RBPJ: variants seen among roughly 807,000 people sequenced by gnomAD.
RBPJ encodes the protein recombining binding protein suppressor of hairless.
RBPJ carries 9 observed loss-of-function variants against 67.8 expected under a neutral mutation model. That is an observed-to-expected ratio of 0.13 (90% CI 0.08 to 0.23). RBPJ has a LOEUF of 0.23. RBPJ is among the 10% of genes least tolerant of loss of function. The pLI, the probability that RBPJ is intolerant of heterozygous loss-of-function variation, is 1.00. For missense variants in RBPJ, 305 were observed against 595.6 expected (o/e 0.51, Z 5.08); for synonymous variants, 198 against 203.3 (o/e 0.97, Z 0.22).
intron 1 of RBPJ, among the ~76,000 whole-genome samples, chr4:26,214,278 A>AAGAGAAAG (rs1344946928): frequency 6.8e-6 from 1 of 147,812 alleles, no homozygotes; most frequent in Non-Finnish European, 1.5e-5. Flanking sequence ...AAGAAAGAGA[A>AAGAGAAAG]AGGAGGAAGG....
intron 1 of RBPJ, among the ~76,000 whole-genome samples, chr4:26,168,681 C>T (rs1321605195): frequency 6.6e-6 from 1 of 152,214 alleles, no homozygotes; most frequent in East Asian, 1.9e-4. Context: ...AACTTGGTTC[C>T]ATTCTCCCCG....
intron 1 of RBPJ, among the ~76,000 whole-genome samples, chr4:26,346,971 G>A (rs546675175): frequency 7.3e-5 from 11 of 151,708 alleles, no homozygotes; most frequent in Admixed American, 6.6e-4. Flanking sequence ...CAGTCTGGGT[G>A]ACAGAGCGAG....
chr4:26,186,546 G>A (rs1255954148), intron 1 of RBPJ, among the ~76,000 whole-genome samples: 2 of 152,132 alleles, frequency 1.3e-5, no homozygotes, highest in Non-Finnish European at 2.9e-5. Flanking sequence ...CAGTGCCTGA[G>A]CGAGACCCTC....
intron 8 of RBPJ, 32 bp downstream of exon 8, chr4:26,428,892 A>G: frequency 6.4e-7 from 1 of 1,553,608 alleles, no homozygotes; most frequent in Non-Finnish European, 8.9e-7. Flanking sequence ...GAAATCTAAA[A>G]TGTACAAACT....
At chr4:26,164,808 G>A (rs1716205330) in intron 1 of RBPJ, among the ~76,000 whole-genome samples, 1 of 152,158 alleles carries the variant, frequency 6.6e-6, no homozygotes, top group South Asian at 2.1e-4. Context: ...CTAGTTCTGT[G>A]TCAGAAGCCT....
chr4:26,238,217 G>A (rs1014816754), intron 1 of RBPJ, among the ~76,000 whole-genome samples: 2 of 152,118 alleles, frequency 1.3e-5, no homozygotes, highest in East Asian at 1.9e-4. Context: ...GCGCACCACC[G>A]TGCCTGGCTA....
At chr4:26,316,002 G>A (rs997823555), upstream of RBPJ, among the ~76,000 whole-genome samples, 1 of 151,912 alleles carries the variant, frequency 6.6e-6, no homozygotes, top group Non-Finnish European at 1.5e-5. Context: ...CTTTTTCAAG[G>A]TGCACTGATT....
At chr4:26,200,644 G>A (rs1222680412) in intron 1 of RBPJ, among the ~76,000 whole-genome samples, 2 of 150,636 alleles carry the variant, frequency 1.3e-5, no homozygotes, top group South Asian at 2.1e-4. Context: ...GCACTCCAAA[G>A]CGAAACTTTC....
chr4:26,137,287 C>T, the RBPJ span, among the ~76,000 whole-genome samples: 1 of 152,150 alleles, frequency 6.6e-6, no homozygotes, highest in Non-Finnish European at 1.5e-5. Context: ...AGATCTTGTC[C>T]CCCAAAGTTG....
At chr4:26,182,751 A>T (rs367756942) in intron 1 of RBPJ, among the ~76,000 whole-genome samples, 21 of 151,968 alleles carry the variant, frequency 1.4e-4, no homozygotes, top group African/African-American at 5.1e-4. Flanking sequence ...CTCCCACCTC[A>T]GCCTCCCAAA....
At chr4:26,320,715 C>T (rs1220821150), upstream of RBPJ, 20 of 1,545,392 alleles carry the variant, frequency 1.3e-5, no homozygotes, top group Non-Finnish European at 1.7e-5. Context: ...ACGTACGTCC[C>T]TCAAAGCGCG....
chr4:26,335,276 G>T (rs890950637), intron 1 of RBPJ, among the ~76,000 whole-genome samples: 1 of 151,962 alleles, frequency 6.6e-6, no homozygotes, highest in Non-Finnish European at 1.5e-5. Flanking sequence ...CCGCCTCCTG[G>T]GTTCAAGTGA....
chr4:26,337,010 C>G (rs1266603112), intron 1 of RBPJ, among the ~76,000 whole-genome samples: 1 of 152,128 alleles, frequency 6.6e-6, no homozygotes. Context: ...GAGTGTCGCT[C>G]TGTCGCCCAT....
At chr4:26,360,121 A>G (rs1443373778) in intron 1 of RBPJ, among the ~76,000 whole-genome samples, 3 of 152,218 alleles carry the variant, frequency 2.0e-5, no homozygotes, top group African/African-American at 4.8e-5. Context: ...TGAATTATAA[A>G]TGTGAATTTT....
intron 1 of RBPJ, among the ~76,000 whole-genome samples, chr4:26,375,288 CAA>C (rs561305108): frequency 0.54 from 55,567 of 102,066 alleles, 11,293 homozygotes; most frequent in Admixed American, 0.62. Flanking sequence ...GACCCTGTCT[CAA>C]AAAAAAAAAA....
At chr4:26,404,517 T>C (rs1011989159) in intron 2 of RBPJ, among the ~76,000 whole-genome samples, 1 of 152,240 alleles carries the variant, frequency 6.6e-6, no homozygotes, top group African/African-American at 2.4e-5. Context: ...TTCACTGCCG[T>C]GGCTCACCTT....
chr4:26,215,070 GAAAAAGAGAGAAAAA>G (rs1285759222), intron 1 of RBPJ, among the ~76,000 whole-genome samples: 3 of 45,228 alleles, frequency 6.6e-5, no homozygotes, highest in African/African-American at 2.8e-4. Flanking sequence ...GAAAGAAAGA[GAAAAAGAGAGAAAAA>G]AGACAGAAAG....
intron 1 of RBPJ, among the ~76,000 whole-genome samples, chr4:26,257,263 C>G (rs1164693614): frequency 6.6e-6 from 1 of 152,206 alleles, no homozygotes; most frequent in Non-Finnish European, 1.5e-5. Context: ...TTATATCTAG[C>G]AAGTTATTGA....
chr4:26,363,481 C>T (rs201486933), intron 1 of RBPJ, among the ~76,000 whole-genome samples: 17 of 149,282 alleles, frequency 1.1e-4, no homozygotes, highest in East Asian at 6.0e-4. Context: ...CTCTGTTGTC[C>T]GGGCTGGAGT....
Sources: allele counts gnomAD v4.1 joint callset (sites outside exome capture counted in the v4.1 genomes callset), GRCh38; gene constraint gnomAD v4.1.1; transcripts MANE v1.5; gene names NCBI Gene and HGNC (gene_info 2026-07-23, HGNC 2026-07-21).